ATAD3B: variants seen among roughly 807,000 people sequenced by gnomAD.
ATAD3B encodes ATPase family AAA domain-containing protein 3B.
A neutral mutation model predicts 70.2 loss-of-function variants in ATAD3B; 59 were observed. The observed-to-expected ratio is 0.84, with a 90% CI of 0.68 to 1.04. The LOEUF is 1.04. ATAD3B is among the 50% of genes least tolerant of loss of function. The pLI is 0.00. For synonymous variants in ATAD3B, 423 were observed against 388.6 expected, an observed-to-expected ratio of 1.09 and a Z score of -1.04; for missense variants, 961 against 913.4, an observed-to-expected ratio of 1.05 and a Z score of -0.67.
intron 15 of ATAD3B, among the ~76,000 whole-genome samples, chr1:1,493,521 TG>T (rs552424592): frequency 5.2e-4 from 79 of 152,030 alleles, no homozygotes; most frequent in African/African-American, 1.8e-3. Flanking sequence ...TTCACCATGT[TG>T]GCCAGGCTGG....
chr1:1,475,315 C>T (rs1435292074), intron 1 of ATAD3B, among the ~76,000 whole-genome samples: 1 of 151,300 alleles, frequency 6.6e-6, no homozygotes, highest in Non-Finnish European at 1.5e-5. Context: ...TCACTGCTGG[C>T]GGGTGAGAGA....
In ATAD3B at chr1:1,479,317, CAG is replaced by C. The variant is rs1361947371; in HGVS notation, c.444+210_444+211del. The stretch of plus-strand genomic sequence containing the variant: ...GTGTGCACACATGTACACGGAGACA[CAG>C]GCACCTGCCCACACAGACACACACT... On this transcript the variant is annotated intron_variant, in intron 4 of 15. Transcript: ENST00000673477. Among the ~76,000 whole-genome samples, 5 of 147,896 alleles carry C rather than the reference CAG, an allele frequency of 3.4e-5. 1 individual carries two copies. The East Asian group carries it at 1.0e-3, about 30-fold the overall frequency.
At chr1:1,485,592 C>T (rs1401217098) in intron 8 of ATAD3B, among the ~76,000 whole-genome samples, 190 bp from the exon 9 acceptor site, 3 of 152,070 alleles carry the variant, frequency 2.0e-5, no homozygotes, top group Admixed American at 6.6e-5. Context: ...AATAAGGAAC[C>T]GGAAAATGCC....
intron 4 of ATAD3B, among the ~76,000 whole-genome samples, chr1:1,480,562 C>T (rs1310387497): frequency 6.8e-6 from 1 of 147,788 alleles, no homozygotes; most frequent in African/African-American, 2.5e-5. Flanking sequence ...ACAGAAGCTT[C>T]CTTAAGCCCA....
At position 1,472,022 on chromosome 1, in the gene ATAD3B, A is replaced by G. The variant is rs1481270251; in HGVS notation, c.138A>G (p.Lys46=). Residue 46 remains lysine (K), a synonymous_variant, in exon 1 of 16, where the codon AAA becomes AAG. Coordinates refer to ENST00000673477, the MANE Select transcript of ATAD3B (RefSeq NM_031921.6). ...GAGACCGGCCGGCGCCCAAGGACAA[A>G]TGGAGCAACTTCGACCCCACCGGCC... ...GLGDRPAPKD[K]WSNFDPTGLE... 3 of 1,233,154 alleles carry G rather than the reference A, an allele frequency of 2.4e-6. No individual in the cohort carries two copies. The East Asian group carries it at 1.0e-4, about 43-fold the overall frequency. 76.4% of individuals were successfully genotyped at this position (1,233,154 alleles called of 1,614,324 possible).
chr1:1,484,816 C>T lies in ATAD3B; in HGVS notation c.751-200C>T, dbSNP rs1488012957. 110 of 1,365,642 alleles carry T rather than the reference C, an allele frequency of 8.1e-5. 3 individuals are homozygous for T. The highest frequency in any genetic ancestry group is 2.7e-4 in the Middle Eastern group (1 of 3,762). The allele number at this position is 1,365,642 out of a possible 1,614,324, so 84.6% of individuals were successfully genotyped here. ...CAGAGAAAATGGCCCTGAGTGAGGGCGTTATGACTGCCCCACCTGCCTCCT... is the reference window on the plus strand; with the variant it reads ...CAGAGAAAATGGCCCTGAGTGAGGGTGTTATGACTGCCCCACCTGCCTCCT... On this transcript the variant is annotated intron_variant, in intron 7 of 15. Transcript: ENST00000673477.
At chr1:1,495,413 CG>C in intron 15 of ATAD3B, 71 bp from the exon 16 acceptor site, 1 of 1,523,786 alleles carries the variant, frequency 6.6e-7, no homozygotes. Context: ...CTCCCCACCT[CG>C]GGGCCCTGGC....
At chr1:1,488,587 C>T (rs1377654682) in intron 12 of ATAD3B, among the ~76,000 whole-genome samples, 6 of 151,930 alleles carry the variant, frequency 3.9e-5, no homozygotes, top group East Asian at 1.9e-4. Flanking sequence ...GGTGAAACCC[C>T]GTCTATAGTA....
rs1640251575 is a variant in ATAD3B at position 1,486,925 on chromosome 1, G to C, written c.1214+257G>C. Among the ~76,000 whole-genome samples the C allele has an allele frequency of 3.3e-5, 5 of 151,008 alleles. 1 individual carries two copies. The South Asian group carries it at 1.0e-3, about 32-fold the overall frequency. On this transcript the variant is annotated intron_variant, in intron 11 of 15. Coordinates refer to ENST00000673477, the MANE Select transcript of ATAD3B (RefSeq NM_031921.6). ...GGCAGAAGGGAGGTGGGTGGGTGCA[G>C]GGGGAGAGGGGTCTTCACAGCTGCA...
At position 1,495,491 on chromosome 1, in the gene ATAD3B, G is replaced by C; in HGVS notation, c.1621G>C (p.Ala541Pro). 6.2e-7 allele frequency: 1 copy of C among 1,605,924 alleles called. No individual in the cohort carries two copies. Among genetic ancestry groups the C allele is most frequent in the Non-Finnish European group, 8.5e-7 (1 of 1,174,452 alleles). Residue 541 changes from alanine (A) to proline (P), a missense_variant, in exon 16 of 16, where the codon GCA (alanine) becomes CCA (proline). Coordinates refer to ENST00000673477, the MANE Select transcript of ATAD3B (RefSeq NM_031921.6). The part of the protein sequence containing the change: ...AQLAVSWQAT[A>P]YASKDGVLTE... ...CTCCCTCTCTCTTCACTAGGCCACG[G>C]CATATGCCTCCAAGGACGGGGTCCT...
downstream of ATAD3B, among the ~76,000 whole-genome samples, chr1:1,499,388 C>T (rs1384354977): frequency 1.3e-5 from 2 of 149,900 alleles, no homozygotes; most frequent in Non-Finnish European, 3.0e-5. Flanking sequence ...AGGCACGTGC[C>T]ACCACGCCCA....
At chr1:1,485,885 G>C in intron 9 of ATAD3B, 47 bp downstream of exon 9, 9 of 1,612,168 alleles carry the variant, frequency 5.6e-6, no homozygotes, top group Non-Finnish European at 7.6e-6. Context: ...AGGGGACCCC[G>C]GAGCTGGGCT....
At position 1,477,463 on chromosome 1, in the gene ATAD3B, T is replaced by C. The variant is rs1639651710; in HGVS notation, c.282+113T>C. On this transcript the variant is annotated intron_variant, in intron 2 of 15. Transcript: ENST00000673477. ...CCAGGGGCGTGTACATGGGCAGCAG[T>C]GGGGCCAGGGCCGAGCTTGGGCGCC... The C allele has an allele frequency of 2.6e-6, 4 of 1,539,514 alleles. No homozygotes were observed. The Admixed American group carries it at 5.6e-5, about 22-fold the overall frequency.
At position 1,478,631 on chromosome 1, in the gene ATAD3B, C is replaced by G; in HGVS notation, c.283-13C>G. On this transcript the variant is annotated splice_polypyrimidine_tract_variant and intron_variant, in intron 2 of 15. Coordinates refer to ENST00000673477, the MANE Select transcript of ATAD3B (RefSeq NM_031921.6). ...CTGAGCAAGTGCCAGCTGGTGAGTGCTGTGCTCTGCAGGAGTATGAGGCCG... is the reference window on the plus strand; with the variant it reads ...CTGAGCAAGTGCCAGCTGGTGAGTGGTGTGCTCTGCAGGAGTATGAGGCCG... 6.5e-7 allele frequency: 1 copy of G among 1,548,736 alleles called. No homozygotes were observed. Among genetic ancestry groups the G allele is most frequent in the Non-Finnish European group, 8.7e-7 (1 of 1,146,094 alleles).
chr1:1,506,904 C>T, the ATAD3B span, among the ~76,000 whole-genome samples: 1 of 151,748 alleles, frequency 6.6e-6, no homozygotes, highest in Non-Finnish European at 1.5e-5. Flanking sequence ...TCTCCTGCCT[C>T]AGCCTCCTGA....
chr1:1,486,125 C>G lies in ATAD3B; in HGVS notation c.979C>G (p.Arg327Gly). The change falls in exon 10 of 16, where the codon CGG (arginine) becomes GGG (glycine). Residue 327 changes from arginine to glycine, a missense_variant. Transcript: ENST00000673477. ...GVVLSPSLEA[R>G]VRDIAIATRN... ...TCCCCGGCAGCCCAGCCTGGAAGCACGGGTGCGCGACATCGCCATAGCAAC... is the reference window on the plus strand; with the variant it reads ...TCCCCGGCAGCCCAGCCTGGAAGCAGGGGTGCGCGACATCGCCATAGCAAC... 1 of 1,613,148 alleles carries G rather than the reference C, an allele frequency of 6.2e-7. No homozygotes were observed. The highest frequency in any genetic ancestry group is 8.5e-7 in the Non-Finnish European group (1 of 1,179,646).
At chr1:1,503,539 A>G in the ATAD3B span, 12 of 1,578,290 alleles carry the variant, frequency 7.6e-6, no homozygotes, top group Non-Finnish European at 8.6e-6. Flanking sequence ...GCCCAGCGGC[A>G]TCCGTGTATC....
Position 1,486,722 on chromosome 1 carries a change from C to A in ATAD3B, c.1214+54C>A, listed in dbSNP as rs1177444020. 1.6e-5 allele frequency: 24 copies of A among 1,510,602 alleles called. 1 individual carries two copies. The highest frequency in any genetic ancestry group is 4.8e-4 in the Middle Eastern group (2 of 4,178). The allele number at this position is 1,510,602 out of a possible 1,614,324, so 93.6% of individuals were successfully genotyped here. A position where few individuals can be genotyped will look rare whatever the true frequency, so the allele number is the denominator to read the frequency against. The stretch of plus-strand genomic sequence containing the variant: ...CCCTTGGCTGCGGCCCAGCAGGCTG[C>A]CTTCTGGGAAGGGGGTCCAGGTGTC... On this transcript the variant is annotated intron_variant, in intron 11 of 15. Transcript: ENST00000673477.
At chr1:1,507,931 C>T in the ATAD3B span, among the ~76,000 whole-genome samples, 14 of 152,232 alleles carry the variant, frequency 9.2e-5, no homozygotes, top group Admixed American at 4.6e-4. Flanking sequence ...TGGCCCCACC[C>T]GCGACTGGGT....
Sources: allele counts gnomAD v4.1 joint callset (sites outside exome capture counted in the v4.1 genomes callset), GRCh38; gene constraint gnomAD v4.1.1; transcripts MANE v1.5; gene names NCBI Gene and HGNC (gene_info 2026-07-23, HGNC 2026-07-21).